Variants in OSBPL1A observed in about 807,000 individuals in gnomAD.
The protein encoded by OSBPL1A is oxysterol binding protein like 1A.
In OSBPL1A, 80 loss-of-function variants were observed where a neutral mutation model predicts 137.1. That is an observed-to-expected ratio of 0.58 (90% CI 0.49 to 0.70). The LOEUF (loss-of-function observed/expected upper bound fraction) is 0.70. Ranked by LOEUF, OSBPL1A falls within the 30% of genes least tolerant of loss-of-function variation. OSBPL1A has a pLI of 0.00. For synonymous variants in OSBPL1A, 365 were observed against 389.7 expected, an observed-to-expected ratio of 0.94 and a Z score of 0.75; for missense variants, 970 against 1,129.4, an observed-to-expected ratio of 0.86 and a Z score of 2.02.
intron 7 of OSBPL1A, among the ~76,000 whole-genome samples, chr18:24,329,763 C>G (rs538058455): frequency 6.6e-6 from 1 of 152,204 alleles, no homozygotes; most frequent in South Asian, 2.1e-4. Flanking sequence ...TTCACCTTTG[C>G]TTCCACAAAT....
chr18:24,163,982 G>A (rs1177818475), intron 27 of OSBPL1A, among the ~76,000 whole-genome samples: 11 of 151,966 alleles, frequency 7.2e-5, no homozygotes, highest in Non-Finnish European at 1.3e-4. Context: ...TGCCCACCTC[G>A]GCCTCCCAAA....
intron 17 of OSBPL1A, among the ~76,000 whole-genome samples, chr18:24,198,831 G>C (rs1259845080): frequency 6.6e-6 from 1 of 151,390 alleles, no homozygotes; most frequent in Admixed American, 6.6e-5. Context: ...TCAGGCTCAG[G>C]TGTCACTGTT....
At chr18:24,354,747 G>GC (rs2091501393) in intron 4 of OSBPL1A, among the ~76,000 whole-genome samples, 1 of 26,734 alleles carries the variant, frequency 3.7e-5, no homozygotes, top group African/African-American at 1.7e-4. Context: ...TCTCAATATA[G>GC]CAAAAAAAAA....
chr18:24,364,058 C>G (rs141476207), intron 4 of OSBPL1A, among the ~76,000 whole-genome samples: 1 of 152,004 alleles, frequency 6.6e-6, no homozygotes, highest in East Asian at 1.9e-4. Flanking sequence ...CTTTAACTTC[C>G]CCTTGCTGTG....
Position 24,298,434 on chromosome 18 carries a change from C to T in OSBPL1A, c.1174+5203G>A, listed in dbSNP as rs559924235. Among the ~76,000 whole-genome samples the T allele has an allele frequency of 4.6e-5, 7 of 152,304 alleles. No individual in the cohort carries two copies. The South Asian group carries it at 1.4e-3, about 32-fold the overall frequency. ...CGATCTTGGCTCACTGCAACCTCTA[C>T]CCCCCGGGTTCAAGCGATTCTCCTG... On this transcript the variant is annotated intron_variant, in intron 14 of 27. Coordinates refer to ENST00000319481, the MANE Select transcript of OSBPL1A (RefSeq NM_080597.4).
intron 1 of OSBPL1A, among the ~76,000 whole-genome samples, chr18:24,393,585 T>A (rs1907517949): frequency 6.6e-6 from 1 of 152,196 alleles, no homozygotes; most frequent in African/African-American, 2.4e-5. Flanking sequence ...CCCAAGTAGC[T>A]GGGACTACAG....
intron 7 of OSBPL1A, chr18:24,321,815 G>C (rs1356683009): frequency 2.3e-6 from 1 of 442,708 alleles, no homozygotes; most frequent in Non-Finnish European, 4.5e-6. Flanking sequence ...AGAATTCAGG[G>C]AGTAGGAAGA....
At position 24,225,224 on chromosome 18, in the gene OSBPL1A, A is replaced by G. The variant is rs370284898; in HGVS notation, c.1445-26T>C. On this transcript the variant is annotated intron_variant, in intron 16 of 27. Transcript: ENST00000319481. The stretch of plus-strand genomic sequence containing the variant: ...CTGTGGCAGAGCAGGTTCATAGTTA[A>G]TGAATTGAACTTGGGTGTGAGGCTT... 9 of 1,613,024 alleles carry G rather than the reference A, an allele frequency of 5.6e-6. No individual in the cohort carries two copies. The African/African-American group carries it at 1.1e-4, about 19-fold the overall frequency.
In OSBPL1A at chr18:24,396,647, T is replaced by C. The variant is rs568723691; in HGVS notation, c.-3+1008A>G. ...AATTAAAAGGTGGATTTTGTTACTA[T>C]GCTGTAATTAAGAAATCTTCACAAT... On this transcript the variant is annotated intron_variant, in intron 1 of 27. Coordinates refer to ENST00000319481, the MANE Select transcript of OSBPL1A (RefSeq NM_080597.4). Among the ~76,000 whole-genome samples the C allele has an allele frequency of 5.3e-5, 8 of 150,670 alleles. No homozygotes were observed. The East Asian group carries it at 1.2e-3, about 22-fold the overall frequency.
At chr18:24,325,704 C>T (rs1201460004) in intron 7 of OSBPL1A, among the ~76,000 whole-genome samples, 1 of 152,214 alleles carries the variant, frequency 6.6e-6, no homozygotes, top group Non-Finnish European at 1.5e-5. Flanking sequence ...GACTGTTGGG[C>T]TGTGTTCACT....
At chr18:24,244,073 T>TA (rs749899682) in intron 15 of OSBPL1A, among the ~76,000 whole-genome samples, 2 of 152,014 alleles carry the variant, frequency 1.3e-5, no homozygotes, top group Non-Finnish European at 2.9e-5. Context: ...GTAGAACTGC[T>TA]AAAAAAGATA....
chr18:24,316,482 G>T (rs2090737113), intron 11 of OSBPL1A, among the ~76,000 whole-genome samples: 1 of 152,082 alleles, frequency 6.6e-6, no homozygotes, highest in Non-Finnish European at 1.5e-5. Flanking sequence ...AAGACACCAT[G>T]CGAACAGTAA....
intron 1 of OSBPL1A, among the ~76,000 whole-genome samples, chr18:24,381,896 G>A (rs545906431): frequency 5.3e-5 from 8 of 151,804 alleles, no homozygotes; most frequent in Non-Finnish European, 1.0e-4. Context: ...GGGAGGCAGA[G>A]GTTGCAGTGA....
chr18:24,183,246 G>A (rs2086656446), intron 18 of OSBPL1A, among the ~76,000 whole-genome samples: 2 of 151,664 alleles, frequency 1.3e-5, no homozygotes, highest in African/African-American at 4.8e-5. Flanking sequence ...ATACATAACT[G>A]TCTTAGTATA....
intron 22 of OSBPL1A, among the ~76,000 whole-genome samples, 169 bp from the exon 23 acceptor site, chr18:24,171,667 C>T (rs1232774389): frequency 2.6e-5 from 4 of 152,116 alleles, no homozygotes; most frequent in African/African-American, 9.7e-5. Flanking sequence ...ATCTTCCCAC[C>T]ATAAAGAAAA....
chr18:24,190,874 T>C (rs1335982148), intron 18 of OSBPL1A, among the ~76,000 whole-genome samples: 2 of 152,256 alleles, frequency 1.3e-5, no homozygotes, highest in Non-Finnish European at 2.9e-5. Flanking sequence ...CCCAGTGATA[T>C]GTCTGGGCAT....
At chr18:24,216,451 G>A (rs955473303) in intron 17 of OSBPL1A, among the ~76,000 whole-genome samples, 29 of 152,310 alleles carry the variant, frequency 1.9e-4, no homozygotes, top group African/African-American at 6.7e-4. Flanking sequence ...GGGTTGCAGT[G>A]AGCCGAGATA....
intron 15 of OSBPL1A, among the ~76,000 whole-genome samples, chr18:24,252,908 T>C (rs1567977407): frequency 1.3e-5 from 2 of 152,170 alleles, no homozygotes; most frequent in Non-Finnish European, 2.9e-5. Context: ...TTTAAAATAA[T>C]GGGTTATAAG....
At chr18:24,270,428 C>T (rs1001981693) in intron 15 of OSBPL1A, among the ~76,000 whole-genome samples, 4 of 152,152 alleles carry the variant, frequency 2.6e-5, no homozygotes, top group African/African-American at 9.7e-5. Context: ...AGAAATTATA[C>T]GGGTCACTTT....
Sources: allele counts gnomAD v4.1 joint callset (sites outside exome capture counted in the v4.1 genomes callset), GRCh38; gene constraint gnomAD v4.1.1; transcripts MANE v1.5; gene names NCBI Gene and HGNC (gene_info 2026-07-23, HGNC 2026-07-21).